The following PAPPA variants were observed in gnomAD, a reference collection of about 807,000 sequenced individuals.
The protein encoded by PAPPA is pappalysin-1.
PAPPA carries 60 observed loss-of-function variants against 164.0 expected under a neutral mutation model. The ratio of observed to expected loss-of-function variants is 0.37; its 90% CI spans 0.30 to 0.45. The LOEUF is 0.45. PAPPA is among the 20% of genes least tolerant of loss of function. The probability of loss-of-function intolerance (pLI) is 1.00; values close to 1 mark genes in which losing one functional copy is unlikely to be tolerated. For missense variants in PAPPA, 1,782 were observed against 2,087.3 expected (o/e 0.85, Z 2.85); for synonymous variants, 875 against 814.1 (o/e 1.07, Z -1.27).
At chr9:116,344,415 C>T (rs551370015) in intron 13 of PAPPA, 128 bp from the exon 14 acceptor site, 1 of 852,780 alleles carries the variant, frequency 1.2e-6, no homozygotes, top group African/African-American at 1.7e-5. Flanking sequence ...CTAGCCAGCA[C>T]CCCTTTCTGT....
chr9:116,160,805 T>C (rs1333633178), intron 1 of PAPPA, among the ~76,000 whole-genome samples: 4 of 152,220 alleles, frequency 2.6e-5, no homozygotes, highest in Admixed American at 6.5e-5. Context: ...AATGCTCAAC[T>C]GTGATTCTGA....
chr9:116,351,342 G>A (rs1846279826), intron 15 of PAPPA, among the ~76,000 whole-genome samples: 1 of 152,194 alleles, frequency 6.6e-6, no homozygotes, highest in Non-Finnish European at 1.5e-5. Context: ...AAAAGAAGAA[G>A]GAAAGTGGGA....
intron 5 of PAPPA, among the ~76,000 whole-genome samples, chr9:116,224,841 G>C (rs1232167014): frequency 6.6e-6 from 1 of 152,132 alleles, no homozygotes; most frequent in Non-Finnish European, 1.5e-5. Context: ...TAAGAAAGAT[G>C]AGCTCTCCCA....
intron 10 of PAPPA, among the ~76,000 whole-genome samples, chr9:116,303,890 C>A (rs779565774): frequency 2.6e-5 from 4 of 152,174 alleles, no homozygotes; most frequent in Admixed American, 6.5e-5. Context: ...TTAGTTGTTG[C>A]CTGTATTTGA....
At chr9:116,238,586 G>A (rs1391378115) in intron 7 of PAPPA, among the ~76,000 whole-genome samples, 2 of 152,148 alleles carry the variant, frequency 1.3e-5, no homozygotes, top group African/African-American at 2.4e-5. Context: ...AAAGTGCCAC[G>A]TACTGTGCCA....
intron 9 of PAPPA, among the ~76,000 whole-genome samples, chr9:116,299,463 A>G (rs550963742): frequency 6.6e-6 from 1 of 152,320 alleles, no homozygotes; most frequent in Non-Finnish European, 1.5e-5. Flanking sequence ...CTTTAGAAGA[A>G]CTAAAATCTA....
intron 9 of PAPPA, among the ~76,000 whole-genome samples, chr9:116,294,637 CT>C (rs1412032236): frequency 2.0e-5 from 3 of 152,196 alleles, no homozygotes; most frequent in Non-Finnish European, 4.4e-5. Context: ...CCTGCTCCCC[CT>C]GTTCCAAGAA....
chr9:116,242,521 T>C (rs889670743), intron 7 of PAPPA, among the ~76,000 whole-genome samples: 1 of 152,250 alleles, frequency 6.6e-6, no homozygotes, highest in African/African-American at 2.4e-5. Flanking sequence ...TTAGCTGCTG[T>C]ACAGTATCCC....
chr9:116,216,403 G>C (rs10817865), intron 4 of PAPPA, among the ~76,000 whole-genome samples: 79,064 of 152,014 alleles, frequency 0.52, 21,292 homozygotes, highest in Non-Finnish European at 0.59. Context: ...TTCTTGAGAG[G>C]AAGATTCAGT....
At chr9:116,272,400 T>C (rs955047832) in intron 9 of PAPPA, among the ~76,000 whole-genome samples, 1 of 152,196 alleles carries the variant, frequency 6.6e-6, no homozygotes, top group Non-Finnish European at 1.5e-5. Flanking sequence ...ACAGGCAATT[T>C]TCTAGGACTA....
At chr9:116,287,176 T>C (rs568903596) in intron 9 of PAPPA, 2 of 152,356 alleles carry the variant, frequency 1.3e-5, no homozygotes, top group East Asian at 3.9e-4. Flanking sequence ...CACGGGGCTC[T>C]TCTAGATTTG....
intron 9 of PAPPA, among the ~76,000 whole-genome samples, chr9:116,298,618 A>G (rs1304603456): frequency 6.6e-6 from 1 of 152,212 alleles, no homozygotes; most frequent in Non-Finnish European, 1.5e-5. Flanking sequence ...AAGGGTACAG[A>G]GTTTAAACTG....
At chr9:116,362,484 T>C in intron 17 of PAPPA, 108 bp from the exon 18 acceptor site, 11 of 1,230,910 alleles carry the variant, frequency 8.9e-6, no homozygotes, top group Non-Finnish European at 1.2e-5. Context: ...TTTGGAACAC[T>C]TCAGAGCTCT....
chr9:116,166,904 T>C (rs1044755638), intron 1 of PAPPA, among the ~76,000 whole-genome samples: 1 of 152,124 alleles, frequency 6.6e-6, no homozygotes, highest in Non-Finnish European at 1.5e-5. Context: ...TGAATGGTGG[T>C]GCCCCCCAGT....
intron 10 of PAPPA, among the ~76,000 whole-genome samples, chr9:116,322,154 C>T (rs762818231): frequency 1.6e-4 from 25 of 152,192 alleles, no homozygotes; most frequent in Admixed American, 7.8e-4. Flanking sequence ...TGGCCAGGCG[C>T]GGTGACTCAC....
At chr9:116,212,189 A>G (rs965805725) in intron 4 of PAPPA, among the ~76,000 whole-genome samples, 1 of 152,138 alleles carries the variant, frequency 6.6e-6, no homozygotes, top group Non-Finnish European at 1.5e-5. Context: ...TGGTTGTTGA[A>G]CCTTTTTTAT....
chr9:116,242,568 C>T (rs1844748769), intron 7 of PAPPA, among the ~76,000 whole-genome samples: 3 of 152,200 alleles, frequency 2.0e-5, no homozygotes, highest in Admixed American at 2.0e-4. Context: ...TAGCCATACC[C>T]TTAATGGTGG....
intron 9 of PAPPA, among the ~76,000 whole-genome samples, chr9:116,289,230 ATAGC>A (rs1845394024): frequency 1.3e-5 from 1 of 77,858 alleles, no homozygotes; most frequent in Non-Finnish European, 2.6e-5. Context: ...GCATATATAT[ATAGC>A]ATATATATAT....
In PAPPA at chr9:116,187,542, A is replaced by G. The variant is rs371529363; in HGVS notation, c.804A>G (p.Ile268Met). 1.6e-4 allele frequency: 259 copies of G among 1,614,102 alleles called. No individual in the cohort carries two copies. Among genetic ancestry groups the G allele is most frequent in the Non-Finnish European group, 2.1e-4 (252 of 1,180,044 alleles). Reference sequence around the variant, plus strand: ...AGGTGGCCAGGACTCAGCGGGAGATACTGTCTGACATGGAAACCCATGGCG... The same window carrying G: ...AGGTGGCCAGGACTCAGCGGGAGATGCTGTCTGACATGGAAACCCATGGCG... ...LWKVARTQRE[I>M]LSDMETHGAH... Residue 268 changes from isoleucine (I) to methionine (M), a missense_variant, in exon 2 of 22, where the codon ATA becomes ATG. Physicochemically the swap from Ile to Met is conservative, Grantham distance 10. Coordinates refer to ENST00000328252, the MANE Select transcript of PAPPA (RefSeq NM_002581.5). The surrounding 1 kb of genome is among the most constrained non-coding windows in gnomAD (Gnocchi z 4.2).
Sources: allele counts gnomAD v4.1 joint callset (sites outside exome capture counted in the v4.1 genomes callset), GRCh38; gene constraint gnomAD v4.1.1; non-coding constraint Gnocchi (gnomAD v3.1); transcripts MANE v1.5; gene names NCBI Gene and HGNC (gene_info 2026-07-23, HGNC 2026-07-21).